Variants in VWF observed in about 807,000 individuals in gnomAD.
The protein encoded by VWF is von Willebrand factor, also known as Factor VIII related antigen.
In VWF, 176 loss-of-function variants were observed where a neutral mutation model predicts 308.6. The observed-to-expected ratio is 0.57, with a 90% confidence interval of 0.50 to 0.65. The LOEUF is 0.65. Ranked by LOEUF, VWF falls within the 30% of genes least tolerant of loss-of-function variation. The probability of loss-of-function intolerance (pLI) is 0.00; values close to 1 mark genes in which losing one functional copy is unlikely to be tolerated. For missense variants in VWF, 3,146 were observed against 3,648.2 expected, an observed-to-expected ratio of 0.86 and a Z score of 3.55; for synonymous variants, 1,385 against 1,443.4, an observed-to-expected ratio of 0.96 and a Z score of 0.92.
intron 5 of VWF, among the ~76,000 whole-genome samples, chr12:6,108,017 G>A (rs2136518452): frequency 6.6e-6 from 1 of 152,140 alleles, no homozygotes; most frequent in East Asian, 1.9e-4. Context: ...AAGCAGGCCA[G>A]GCACGGTGAC....
intron 10 of VWF, among the ~76,000 whole-genome samples, chr12:6,066,415 G>T (rs1003396443): frequency 1.1e-4 from 16 of 152,234 alleles, no homozygotes; most frequent in East Asian, 1.9e-4. Flanking sequence ...AATATATATA[G>T]AGAGAGACAC....
At chr12:5,997,808 G>A (rs919970877) in intron 34 of VWF, among the ~76,000 whole-genome samples, 3 of 152,140 alleles carry the variant, frequency 2.0e-5, no homozygotes, top group Non-Finnish European at 4.4e-5. Flanking sequence ...TTATACTCCA[G>A]TTTAGTGATT....
At chr12:5,958,199 T>C (rs1401513673) in intron 47 of VWF, among the ~76,000 whole-genome samples, 3 of 152,092 alleles carry the variant, frequency 2.0e-5, no homozygotes, top group Admixed American at 1.3e-4. Context: ...ATAAAATGAA[T>C]AACAGAAGAA....
chr12:5,996,321 T>G, intron 34 of VWF, 99 bp from the exon 35 acceptor site: 1 of 1,099,914 alleles, frequency 9.1e-7, no homozygotes, highest in African/African-American at 1.5e-5. Context: ...CACAGATAAA[T>G]ACAGTAGAGA....
At chr12:5,968,258 G>T in intron 45 of VWF, 91 bp from the exon 46 acceptor site, 1 of 1,506,764 alleles carries the variant, frequency 6.6e-7, no homozygotes, top group Non-Finnish European at 9.1e-7. Flanking sequence ...CTCCTCCTCC[G>T]TGTCTGGGCC....
At chr12:6,009,909 A>G (rs990077513) in intron 34 of VWF, among the ~76,000 whole-genome samples, 3 of 152,340 alleles carry the variant, frequency 2.0e-5, no homozygotes, top group South Asian at 2.1e-4. Flanking sequence ...ATCCACTTAC[A>G]GGAGGTATCT....
intron 43 of VWF, among the ~76,000 whole-genome samples, chr12:5,975,375 C>T (rs1052751724): frequency 6.6e-6 from 1 of 152,186 alleles, no homozygotes; most frequent in African/African-American, 2.4e-5. Context: ...CGCATTAAAC[C>T]AGCAAGCAGA....
chr12:6,082,502 T>C (rs1285315945), intron 6 of VWF, among the ~76,000 whole-genome samples: 1 of 152,224 alleles, frequency 6.6e-6, no homozygotes, highest in Non-Finnish European at 1.5e-5. Flanking sequence ...AGCTGCCTCC[T>C]TACATATTTT....
chr12:6,034,887 G>A, intron 19 of VWF, 61 bp from the exon 20 acceptor site: 1 of 1,600,484 alleles, frequency 6.2e-7, no homozygotes, highest in Non-Finnish European at 8.6e-7. Flanking sequence ...GGCCCATCTG[G>A]GCCATGGAGG....
rs115704763 is a variant in VWF, at chr12:5,987,835, G to T, written c.6799-2170C>A. 9.1e-3 allele frequency among the ~76,000 whole-genome samples: 1,391 copies of T among 152,290 alleles called. 25 individuals carry two copies. Among genetic ancestry groups the T allele is most frequent in the African/African-American group, 0.032 (1,331 of 41,564 alleles). ...GAAAGCAGACCAGTAGTTGTCTAGGGTTGAGGGATATATTTAAAAGGGCAT... is the reference window on the plus strand; with the variant it reads ...GAAAGCAGACCAGTAGTTGTCTAGGTTTGAGGGATATATTTAAAAGGGCAT... On this transcript the variant is annotated intron_variant, in intron 38 of 51. Transcript: ENST00000261405.
At chr12:5,998,265 G>A (rs912595797) in intron 34 of VWF, among the ~76,000 whole-genome samples, 19 of 151,222 alleles carry the variant, frequency 1.3e-4, no homozygotes, top group African/African-American at 9.7e-5. Flanking sequence ...TTGGAAGGCC[G>A]AGGCGGGCGG....
chr12:6,065,422 G>C (rs936124146), intron 10 of VWF, 149 bp from the exon 11 acceptor site: 14 of 1,072,400 alleles, frequency 1.3e-5, no homozygotes, highest in Middle Eastern at 2.8e-4. Flanking sequence ...CAAGTTCTAC[G>C]AGAAAATTCG....
intron 3 of VWF, among the ~76,000 whole-genome samples, chr12:6,115,864 C>T (rs1312060726): frequency 6.6e-6 from 1 of 152,158 alleles, no homozygotes; most frequent in Non-Finnish European, 1.5e-5. Flanking sequence ...GGGGGAAAAC[C>T]ACCCCGACTG....
chr12:6,066,502 G>A (rs1944716180), intron 10 of VWF, among the ~76,000 whole-genome samples: 1 of 152,250 alleles, frequency 6.6e-6, no homozygotes. Context: ...CTTTCTCTAA[G>A]GATCAAAGCA....
At chr12:6,079,301 A>G (rs1358177590) in intron 6 of VWF, among the ~76,000 whole-genome samples, 5 of 152,170 alleles carry the variant, frequency 3.3e-5, no homozygotes, top group African/African-American at 1.2e-4. Flanking sequence ...AGGTCCTGAG[A>G]CAGGACACAG....
Position 6,110,572 on chromosome 12 carries a change from G to A in VWF, c.334C>T (p.Pro112Ser), listed in dbSNP as rs1280452644. 2.5e-6 allele frequency: 4 copies of A among 1,614,146 alleles called. No homozygotes were observed. The South Asian group carries it at 3.3e-5, about 13-fold the overall frequency. Reference sequence around the variant, plus strand: ...AGATACAGCCCTTTGGAGGCATAGGGCATGGAGACTCTGGAGGGCAAAGGC... The same window carrying A: ...AGATACAGCCCTTTGGAGGCATAGGACATGGAGACTCTGGAGGGCAAAGGC... ...VTQGDQRVSM[P>S]YASKGLYLET... is the part of the protein sequence containing the mutation. The change falls in exon 5 of 52, where the codon CCC becomes TCC. Residue 112 changes from proline (P) to serine (S), a missense_variant. By Grantham distance (74) the Pro-to-Ser change is moderately conservative. Coordinates refer to ENST00000261405, the MANE Select transcript of VWF (RefSeq NM_000552.5).
Position 6,044,298 on chromosome 12 carries a change from G to C in VWF, c.2435C>G (p.Pro812Arg), listed in dbSNP as rs62643631. 1.9e-6 allele frequency: 3 copies of C among 1,613,744 alleles called. No homozygotes were observed. The highest frequency in any genetic ancestry group is 4.5e-5 in the East Asian group (2 of 44,874). Reference protein sequence around the residue: ...MGCVSGCLCPPGMVRHENRCV... With the variant: ...MGCVSGCLCPRGMVRHENRCV... ...CTGTGCCTGGTGACTCACCATGCCC[G>C]GGGGGCAGAGGCAGCCAGAGACACA... is the stretch of plus-strand genomic sequence containing the variant. The change falls in exon 18 of 52, where the codon CCG (proline) becomes CGG (arginine). Residue 812 changes from proline (P) to arginine (R), a missense_variant. Coordinates refer to ENST00000261405, the MANE Select transcript of VWF (RefSeq NM_000552.5).
At chr12:5,975,302 G>A (rs949734268) in intron 43 of VWF, among the ~76,000 whole-genome samples, 4 of 152,184 alleles carry the variant, frequency 2.6e-5, no homozygotes, top group African/African-American at 9.7e-5. Context: ...GGATGTGCTC[G>A]CCTGCCCTGG....
At chr12:6,088,302 A>C (rs2238102) in intron 6 of VWF, among the ~76,000 whole-genome samples, 116,630 of 151,582 alleles carry the variant, frequency 0.77, 45,685 homozygotes, top group African/African-American at 0.93. Flanking sequence ...CACGGTGAAA[A>C]CCCGTCTCTA....
Sources: gnomAD v4.1 joint callset for allele counts (sites outside exome capture counted in the v4.1 genomes callset) on GRCh38, gnomAD v4.1.1 for gene constraint, MANE v1.5 for transcripts, NCBI Gene and HGNC (gene_info 2026-07-23, HGNC 2026-07-21) for gene names.